MYH15: variants seen among roughly 807,000 people sequenced by gnomAD.
MYH15 encodes the protein myosin-15.
Under a neutral mutation model 240.5 loss-of-function variants are expected in MYH15, and 227 were observed. The observed-to-expected ratio is 0.94, with a 90% CI of 0.85 to 1.05. MYH15 has a LOEUF of 1.05. Ranked by LOEUF, MYH15 falls within the 50% of genes least tolerant of loss-of-function variation. The probability of loss-of-function intolerance (pLI) is 0.00; values close to 1 mark genes in which losing one functional copy is unlikely to be tolerated. For synonymous variants in MYH15, 785 were observed against 796.7 expected, an observed-to-expected ratio of 0.99 and a Z score of 0.25; for missense variants, 2,217 against 2,247.5, an observed-to-expected ratio of 0.99 and a Z score of 0.27.
At chr3:108,435,839 C>CATATATGTATATGT (rs777372962) in intron 25 of MYH15, among the ~76,000 whole-genome samples, 2 of 102,726 alleles carry the variant, frequency 1.9e-5, no homozygotes, top group African/African-American at 7.2e-5. Flanking sequence ...TATATGTATA[C>CATATATGTATATGT]ACACACACAC....
chr3:108,548,629 C>T, the MYH15 span, among the ~76,000 whole-genome samples: 4 of 152,054 alleles, frequency 2.6e-5, no homozygotes, highest in Admixed American at 2.6e-4. Context: ...AAGTCACAAA[C>T]AGGACACATG....
At position 108,498,141 on chromosome 3, in the gene MYH15, C is replaced by G. The variant is rs2083408342; in HGVS notation, c.529G>C (p.Glu177Gln). The change falls in exon 6 of 41, where the codon GAA becomes CAA. Residue 177 changes from glutamate to glutamine, a missense_variant. Coordinates refer to ENST00000693548, the MANE Select transcript of MYH15 (RefSeq NM_014981.3). Reference sequence around the variant, plus strand: ...TTCACAGTCTTTCCAGCACCAGATTCTCCTCTGTGATTTGAAATTCAGTGA... The same window carrying G: ...TTCACAGTCTTTCCAGCACCAGATTGTCCTCTGTGATTTGAAATTCAGTGA... Reference protein sequence around the residue: ...RENQSILFTGESGAGKTVNSK... With the variant: ...RENQSILFTGQSGAGKTVNSK... 6.2e-7 allele frequency: 1 copy of G among 1,613,862 alleles called. No individual in the cohort carries two copies. The highest frequency in any genetic ancestry group is 8.5e-7 in the Non-Finnish European group (1 of 1,179,794).
chr3:108,475,625 T>TA (rs2083213671), intron 12 of MYH15, among the ~76,000 whole-genome samples: 2 of 152,178 alleles, frequency 1.3e-5, no homozygotes, highest in African/African-American at 2.4e-5. Flanking sequence ...TACATAGAAC[T>TA]ACAAAACAGA....
chr3:108,419,004 C>T (rs571675534), intron 28 of MYH15, among the ~76,000 whole-genome samples: 9 of 152,268 alleles, frequency 5.9e-5, no homozygotes, highest in Non-Finnish European at 7.4e-5. Flanking sequence ...CCGCCTACCT[C>T]GGCCTCCCAA....
At chr3:108,545,274 C>T in the MYH15 span, among the ~76,000 whole-genome samples, 1 of 152,152 alleles carries the variant, frequency 6.6e-6, no homozygotes, top group African/African-American at 2.4e-5. Flanking sequence ...CCTAATCTCT[C>T]CATCCTCTAC....
the MYH15 span, among the ~76,000 whole-genome samples, chr3:108,535,339 C>T: frequency 6.6e-6 from 1 of 152,114 alleles, no homozygotes; most frequent in African/African-American, 2.4e-5. Context: ...GATTTGGTGT[C>T]TGATGAGGGC....
chr3:108,456,705 G>A, intron 19 of MYH15, 61 bp downstream of exon 19: 2 of 1,243,760 alleles, frequency 1.6e-6, no homozygotes. Context: ...TAAACACTCG[G>A]AAAGGGAGGA....
intron 33 of MYH15, 110 bp from the exon 34 acceptor site, chr3:108,399,377 TA>T: frequency 2.1e-6 from 2 of 970,636 alleles, no homozygotes; most frequent in East Asian, 5.1e-5. Context: ...AAATCCAAGA[TA>T]AATTTTAAGT....
chr3:108,401,824 G>A lies in MYH15; in HGVS notation c.4737-2557C>T, dbSNP rs561093484. On this transcript the variant is annotated intron_variant, in intron 33 of 40. Transcript: ENST00000693548. ...AATACAGTCCTGTAGAATGGCTGCT[G>A]AACAATCAACATGTTTCATACAGAG... 7.9e-5 allele frequency among the ~76,000 whole-genome samples: 12 copies of A among 152,280 alleles called. No homozygotes were observed. The South Asian group carries it at 2.5e-3, about 32-fold the overall frequency.
chr3:108,468,922 A>G (rs4475046), intron 14 of MYH15, among the ~76,000 whole-genome samples: 2 of 152,108 alleles, frequency 1.3e-5, no homozygotes, highest in African/African-American at 2.4e-5. Flanking sequence ...TAATGAGACA[A>G]CTACGGCTCT....
chr3:108,474,472 TA>T lies in MYH15; in HGVS notation c.1233+1924del, dbSNP rs1305099148. Among the ~76,000 whole-genome samples, 926 of 150,280 alleles carry T rather than the reference TA, an allele frequency of 6.2e-3. 7 individuals are homozygous for T. The highest frequency in any genetic ancestry group is 0.021 in the African/African-American group (872 of 40,904). Reference sequence around the variant, plus strand: ...GCTCCTTATTTTTTTTTTTATTTTTTATTTTTGCTTTTTTTTGTTTTTATTA... The same window carrying T: ...GCTCCTTATTTTTTTTTTTATTTTTTTTTTTGCTTTTTTTTGTTTTTATTA... On this transcript the variant is annotated intron_variant, in intron 12 of 40. Coordinates refer to ENST00000693548, the MANE Select transcript of MYH15 (RefSeq NM_014981.3).
intron 1 of MYH15, among the ~76,000 whole-genome samples, chr3:108,521,794 A>T (rs753820166): frequency 1.3e-5 from 2 of 152,206 alleles, no homozygotes; most frequent in Non-Finnish European, 2.9e-5. Context: ...AGCAATAGAT[A>T]CAGCGCCCTG....
intron 11 of MYH15, among the ~76,000 whole-genome samples, chr3:108,479,220 T>C (rs2083245805): frequency 6.6e-6 from 1 of 152,214 alleles, no homozygotes; most frequent in Admixed American, 6.5e-5. Flanking sequence ...AAATAGGCTT[T>C]ATGAAATTCC....
chr3:108,528,643 A>T (rs183846728), intron 1 of MYH15, among the ~76,000 whole-genome samples: 1 of 152,298 alleles, frequency 6.6e-6, no homozygotes, highest in East Asian at 1.9e-4. Context: ...GTTTACACAG[A>T]ACTCTATGTG....
chr3:108,440,967 A>G, intron 23 of MYH15, 51 bp downstream of exon 23: 1 of 1,604,874 alleles, frequency 6.2e-7, no homozygotes, highest in Non-Finnish European at 8.5e-7. Flanking sequence ...CTGATTTGAG[A>G]GTGGAATTCT....
At position 108,421,155 on chromosome 3, in the gene MYH15, CT is replaced by C; in HGVS notation, c.3761del (p.Lys1254SerfsTer2). The C allele has an allele frequency of 6.2e-7, 1 of 1,614,098 alleles. No individual in the cohort carries two copies. The highest frequency in any genetic ancestry group is 8.5e-7 in the Non-Finnish European group (1 of 1,179,996). ...YEERLHEATA[K>X]LDKVTQLAND... is the part of the protein sequence containing the mutation. ...TTGCCAACTGAGTCACCTTATCTAG[CT>C]TTGCAGTTGCTTCATGCAAGCGCTC... is the stretch of plus-strand genomic sequence containing the variant. On this transcript the variant is annotated frameshift_variant, in exon 28 of 41. Coordinates refer to ENST00000693548, the MANE Select transcript of MYH15 (RefSeq NM_014981.3). LOFTEE classifies it high-confidence loss of function.
chr3:108,491,258 C>T (rs780935692), intron 9 of MYH15, among the ~76,000 whole-genome samples: 6 of 152,132 alleles, frequency 3.9e-5, no homozygotes, highest in African/African-American at 7.2e-5. Flanking sequence ...TGGGCAGAGG[C>T]CTGTCTACCT....
rs1477446291 is a variant in MYH15 at position 108,380,962 on chromosome 3, T to G, written c.*583A>C. On this transcript the variant is annotated 3_prime_UTR_variant, in exon 41 of 41. Transcript: ENST00000693548. Reference sequence around the variant, plus strand: ...TGGGGTTACCTCCATGTTTAAAGCATGTACCAGCATATAGCCTACATGTGT... The same window carrying G: ...TGGGGTTACCTCCATGTTTAAAGCAGGTACCAGCATATAGCCTACATGTGT... 1 of 152,794 alleles carries G rather than the reference T, an allele frequency of 6.5e-6. No homozygotes were observed. Among genetic ancestry groups the G allele is most frequent in the Non-Finnish European group, 1.5e-5 (1 of 68,468 alleles). The allele number at this position is 152,794 out of a possible 1,614,324, so 9.5% of individuals were successfully genotyped here.
chr3:108,443,515 G>C (rs6798068), intron 22 of MYH15, among the ~76,000 whole-genome samples: 17 of 152,164 alleles, frequency 1.1e-4, no homozygotes, highest in Admixed American at 2.6e-4. Context: ...GTGCTAAGTA[G>C]AGAGGAAAGT....
Sources: gnomAD v4.1 joint callset for allele counts (sites outside exome capture counted in the v4.1 genomes callset) on GRCh38, gnomAD v4.1.1 for gene constraint, MANE v1.5 for transcripts, NCBI Gene and HGNC (gene_info 2026-07-23, HGNC 2026-07-21) for gene names.